Variants in CD53 observed in about 807,000 individuals in gnomAD.
CD53 encodes the protein leukocyte surface antigen CD53.
In CD53, 20 loss-of-function variants were observed where a neutral mutation model predicts 27.3. The observed-to-expected ratio is 0.73, with a 90% CI of 0.52 to 1.07. The LOEUF is 1.07. Ranked by LOEUF, CD53 falls within the 50% of genes least tolerant of loss-of-function variation. CD53 has a pLI of 0.00. For missense variants in CD53, 216 were observed against 264.0 expected (o/e 0.82, Z 1.26); for synonymous variants, 106 against 105.3 (o/e 1.01, Z -0.04).
At chr1:110,876,251 A>T (rs902069177) in intron 1 of CD53, among the ~76,000 whole-genome samples, 5 of 152,158 alleles carry the variant, frequency 3.3e-5, no homozygotes, top group Non-Finnish European at 7.4e-5. Flanking sequence ...AGTTATTCAG[A>T]ATGTCTTCTG....
chr1:110,882,769 C>G (rs1234932104), intron 1 of CD53, among the ~76,000 whole-genome samples: 1 of 151,944 alleles, frequency 6.6e-6, no homozygotes, highest in Non-Finnish European at 1.5e-5. Context: ...TTTCAGTGTA[C>G]AATTCTTTCA....
At chr1:110,875,463 G>A (rs915126048) in intron 1 of CD53, among the ~76,000 whole-genome samples, 7 of 152,192 alleles carry the variant, frequency 4.6e-5, no homozygotes, top group African/African-American at 1.7e-4. Context: ...GCAGAAGGAA[G>A]GGTGGAGCTT....
At position 110,884,907 on chromosome 1, in the gene CD53, T is replaced by C. The variant is rs1476183100; in HGVS notation, c.-17-6485T>C. 2.0e-5 allele frequency among the ~76,000 whole-genome samples: 3 copies of C among 152,210 alleles called. No individual in the cohort carries two copies. In the East Asian group the frequency reaches 5.8e-4, roughly 29 times the overall value. ...TTTTTTCAATCCATCTATTTATTCC[T>C]GCTTCATATTTTAAGTATTCAGACC... On this transcript the variant is annotated intron_variant, in intron 1 of 7. Transcript: ENST00000271324.
chr1:110,871,418 A>G (rs894571235), upstream of CD53, among the ~76,000 whole-genome samples: 5 of 152,084 alleles, frequency 3.3e-5, no homozygotes, highest in Non-Finnish European at 7.4e-5. Flanking sequence ...GTTTCTCATG[A>G]ACGTGGCTGA....
intron 2 of CD53, among the ~76,000 whole-genome samples, chr1:110,891,796 G>A (rs1656866674): frequency 6.6e-6 from 1 of 152,116 alleles, no homozygotes. Flanking sequence ...TGTTTTTCTT[G>A]TCTTTTTTTC....
intron 1 of CD53, among the ~76,000 whole-genome samples, chr1:110,881,170 G>T (rs902848754): frequency 2.0e-5 from 3 of 152,086 alleles, no homozygotes; most frequent in Non-Finnish European, 2.9e-5. Flanking sequence ...AACACTGAGC[G>T]TATGCATCAC....
chr1:110,875,926 C>G (rs1017151822), intron 1 of CD53, among the ~76,000 whole-genome samples: 5 of 152,204 alleles, frequency 3.3e-5, no homozygotes, highest in African/African-American at 7.2e-5. Context: ...TGAGTGCTCT[C>G]TCTTCATTAT....
chr1:110,872,997 G>T (rs1490286349), upstream of CD53, among the ~76,000 whole-genome samples: 1 of 152,164 alleles, frequency 6.6e-6, no homozygotes, highest in South Asian at 2.1e-4. Flanking sequence ...AGGGTGGGCT[G>T]TGAGAGGAAG....
chr1:110,885,923 G>A (rs545579586), intron 1 of CD53, among the ~76,000 whole-genome samples: 3 of 152,102 alleles, frequency 2.0e-5, no homozygotes, highest in Admixed American at 6.5e-5. Flanking sequence ...AAAGTATTGC[G>A]CATTTATTCC....
Position 110,899,267 on chromosome 1 carries a change from C to G in CD53, c.*72C>G. Reference sequence around the variant, plus strand: ...GCAAAACCATTTATAGCATGAAGCCCTACATGATCACTGCAGGATGATCCT... The same window carrying G: ...GCAAAACCATTTATAGCATGAAGCCGTACATGATCACTGCAGGATGATCCT... On this transcript the variant is annotated 3_prime_UTR_variant, in exon 8 of 8. Coordinates refer to ENST00000271324, the MANE Select transcript of CD53 (RefSeq NM_000560.4). 1 of 1,078,592 alleles carries G rather than the reference C, an allele frequency of 9.3e-7. No individual in the cohort carries two copies. The highest frequency in any genetic ancestry group is 1.4e-6 in the Non-Finnish European group (1 of 699,468). The allele number at this position is 1,078,592 out of a possible 1,614,324, so 66.8% of individuals were successfully genotyped here. A position where few individuals can be genotyped will look rare whatever the true frequency, so the allele number is the denominator to read the frequency against.
intron 5 of CD53, among the ~76,000 whole-genome samples, chr1:110,896,244 T>C (rs1352034540): frequency 6.6e-6 from 1 of 152,200 alleles, no homozygotes; most frequent in Non-Finnish European, 1.5e-5. Context: ...AAGTTTGATG[T>C]GGTTTTTGTT....
intron 1 of CD53, among the ~76,000 whole-genome samples, chr1:110,883,315 A>C (rs1656430039): frequency 6.6e-6 from 1 of 151,980 alleles, no homozygotes; most frequent in Non-Finnish European, 1.5e-5. Flanking sequence ...TTGAGATGAT[A>C]ATTTATTTTC....
At chr1:110,874,208 G>A (rs888497972) in intron 1 of CD53, among the ~76,000 whole-genome samples, 1 of 152,210 alleles carries the variant, frequency 6.6e-6, no homozygotes, top group African/African-American at 2.4e-5. Context: ...TTGGGAACAG[G>A]GCAGAGGGCT....
intron 5 of CD53, among the ~76,000 whole-genome samples, chr1:110,895,391 G>A (rs528226761): frequency 6.6e-6 from 1 of 152,270 alleles, no homozygotes; most frequent in South Asian, 2.1e-4. Flanking sequence ...ACAAGAAATT[G>A]CCATTGAGTT....
At chr1:110,880,605 T>A (rs1656318961) in intron 1 of CD53, among the ~76,000 whole-genome samples, 1 of 152,152 alleles carries the variant, frequency 6.6e-6, no homozygotes, top group African/African-American at 2.4e-5. Flanking sequence ...GAGTTAGTTA[T>A]TTTCCTATGT....
intron 2 of CD53, among the ~76,000 whole-genome samples, 189 bp from the exon 3 acceptor site, chr1:110,892,156 C>G (rs112679591): frequency 0.015 from 2,337 of 152,274 alleles, 22 homozygotes; most frequent in Middle Eastern, 0.044. Flanking sequence ...GTGAGTAGGT[C>G]TCCACATGAG....
At position 110,878,380 on chromosome 1, in the gene CD53, G is replaced by A. The variant is rs1053906446; in HGVS notation, c.-18+5132G>A. Among the ~76,000 whole-genome samples the A allele has an allele frequency of 3.3e-5, 5 of 152,072 alleles. No homozygotes were observed. The East Asian group carries it at 9.7e-4, about 29-fold the overall frequency. On this transcript the variant is annotated intron_variant, in intron 1 of 7. Transcript: ENST00000271324. ...GGCTCTGTGTAGGAAGGGATAGGGA[G>A]CCGTAATTACCTTGCGAATGCTCTT...
intron 1 of CD53, among the ~76,000 whole-genome samples, chr1:110,890,858 CATA>C (rs1421603911): frequency 2.0e-5 from 3 of 152,220 alleles, no homozygotes; most frequent in Non-Finnish European, 4.4e-5. Context: ...GAACAGAAAA[CATA>C]AATGTTTCTG....
At chr1:110,891,364 A>G (rs544422248) in intron 1 of CD53, 28 bp from the exon 2 acceptor site, 2 of 1,449,726 alleles carry the variant, frequency 1.4e-6, no homozygotes, top group South Asian at 1.1e-5. Context: ...GAGTGAGGTA[A>G]CTTACTTTCT....
Sources: gnomAD v4.1 joint callset for allele counts (sites outside exome capture counted in the v4.1 genomes callset) on GRCh38, gnomAD v4.1.1 for gene constraint, MANE v1.5 for transcripts, NCBI Gene and HGNC (gene_info 2026-07-23, HGNC 2026-07-21) for gene names.